ZNF385C: variants seen among roughly 807,000 people sequenced by gnomAD.
ZNF385C encodes CTD-2132N18.2.
Under a neutral mutation model 35.4 loss-of-function variants are expected in ZNF385C, and 28 were observed. The observed-to-expected ratio is 0.79, with a 90% confidence interval of 0.59 to 1.08. ZNF385C has a LOEUF of 1.08. Among genes scored for constraint, ZNF385C ranks in the 50% least tolerant of loss-of-function variants. ZNF385C has a pLI of 0.00. For missense variants in ZNF385C, 605 were observed against 595.6 expected (o/e 1.02, Z -0.16); for synonymous variants, 248 against 248.2 (o/e 1.00, Z 0.01).
rs1260758369 is a variant in ZNF385C, at chr17:42,098,431, C to T, written c.-24G>A. 3 of 152,012 alleles carry T rather than the reference C, an allele frequency of 2.0e-5. No homozygotes were observed. Among genetic ancestry groups the T allele is most frequent in the Non-Finnish European group, 2.9e-5 (2 of 68,046 alleles). 9.4% of individuals were successfully genotyped at this position (152,012 alleles called of 1,614,324 possible). A position where few individuals can be genotyped will look rare whatever the true frequency, so the allele number is the denominator to read the frequency against. ...TTACCTGCGGGGCAGAGACGGAGCCCGCCGCGGCCACCTGCTCTCGCCTGG... is the reference window on the plus strand; with the variant it reads ...TTACCTGCGGGGCAGAGACGGAGCCTGCCGCGGCCACCTGCTCTCGCCTGG... On this transcript the variant is annotated 5_prime_UTR_variant, in exon 1 of 9. Transcript: ENST00000692273.
chr17:42,045,943 A>T (rs1290328720), intron 2 of ZNF385C, among the ~76,000 whole-genome samples: 2 of 152,140 alleles, frequency 1.3e-5, no homozygotes, highest in Non-Finnish European at 2.9e-5. Flanking sequence ...TCAATCCTGA[A>T]GGCTTGCATT....
At chr17:42,033,876 G>T (rs1555655172) in intron 4 of ZNF385C, among the ~76,000 whole-genome samples, 1 of 152,158 alleles carries the variant, frequency 6.6e-6, no homozygotes, top group African/African-American at 2.4e-5. Flanking sequence ...TAAGAGCTCA[G>T]CTCCAGACCA....
intron 1 of ZNF385C, among the ~76,000 whole-genome samples, chr17:42,089,508 C>T (rs1377007368): frequency 6.6e-6 from 1 of 151,972 alleles, no homozygotes; most frequent in African/African-American, 2.4e-5. Flanking sequence ...TCCCACAGAT[C>T]AACTGAGATA....
At chr17:42,093,419 T>C (rs1157094957) in intron 1 of ZNF385C, among the ~76,000 whole-genome samples, 17 of 152,130 alleles carry the variant, frequency 1.1e-4, no homozygotes, top group Non-Finnish European at 2.2e-4. Flanking sequence ...TCTCCCAGAG[T>C]GATGACTCTG....
intron 4 of ZNF385C, among the ~76,000 whole-genome samples, chr17:42,033,285 T>C (rs782587582): frequency 6.6e-6 from 1 of 152,188 alleles, no homozygotes; most frequent in Non-Finnish European, 1.5e-5. Flanking sequence ...CTCCTCTACC[T>C]AGTGGTAAGA....
rs1376477361 is a variant in ZNF385C, at chr17:42,034,492, C to T, written c.400-157G>A. Among the ~76,000 whole-genome samples the T allele has an allele frequency of 2.6e-5, 4 of 152,020 alleles. No individual in the cohort carries two copies. The East Asian group carries it at 7.7e-4, about 29-fold the overall frequency. ...ATCCTGTGGATGTTGGAAAGAGAAA[C>T]AGCTGGGCCAGGCGCGGTGGCTCAC... is the stretch of plus-strand genomic sequence containing the variant. On this transcript the variant is annotated intron_variant, in intron 3 of 8. Coordinates refer to ENST00000692273, the MANE Select transcript of ZNF385C (RefSeq NM_001392013.1).
intron 2 of ZNF385C, chr17:42,061,867 A>G (rs1407785908): frequency 6.5e-6 from 1 of 152,976 alleles, no homozygotes; most frequent in Non-Finnish European, 1.5e-5. Flanking sequence ...CAAAAGACCC[A>G]CTCAATCTTG....
At position 42,050,293 on chromosome 17, in the gene ZNF385C, G is replaced by C. The variant is rs2053253820; in HGVS notation, c.251-12408C>G. 6.6e-6 allele frequency among the ~76,000 whole-genome samples: 1 copy of C among 152,208 alleles called. No individual in the cohort carries two copies. The highest frequency in any genetic ancestry group is 6.5e-5 in the Admixed American group (1 of 15,286). ...GCCCCTTGCTTTGGGACCCCACTAAGAGAAGTCCAGCACTCAGCAGACAGG... is the reference window on the plus strand; with the variant it reads ...GCCCCTTGCTTTGGGACCCCACTAACAGAAGTCCAGCACTCAGCAGACAGG... On this transcript the variant is annotated intron_variant, in intron 2 of 8. Coordinates refer to ENST00000692273, the MANE Select transcript of ZNF385C (RefSeq NM_001392013.1). The surrounding 1 kb of genome is among the most constrained non-coding windows in gnomAD (Gnocchi z 5.6).
chr17:42,069,785 G>A (rs536032766), intron 1 of ZNF385C, among the ~76,000 whole-genome samples: 1 of 152,354 alleles, frequency 6.6e-6, no homozygotes, highest in African/African-American at 2.4e-5. Context: ...GCTCTTGCCT[G>A]TAATCCCAGC....
At chr17:42,083,887 T>A (rs2143935561) in intron 1 of ZNF385C, among the ~76,000 whole-genome samples, 1 of 151,948 alleles carries the variant, frequency 6.6e-6, no homozygotes, top group South Asian at 2.1e-4. Flanking sequence ...CCAGGCTAAT[T>A]TTTATATTTT....
At chr17:42,094,451 G>GGAGTGT (rs2053896980) in intron 1 of ZNF385C, among the ~76,000 whole-genome samples, 1 of 151,904 alleles carries the variant, frequency 6.6e-6, no homozygotes, top group South Asian at 2.1e-4. Context: ...ACTGAGAGTG[G>GGAGTGT]GAGTGTGAGA....
chr17:42,059,952 C>T (rs2053437405), intron 2 of ZNF385C, among the ~76,000 whole-genome samples: 1 of 152,182 alleles, frequency 6.6e-6, no homozygotes. Context: ...CCTCTCCCCA[C>T]ACCTGCTCCC....
intron 2 of ZNF385C, among the ~76,000 whole-genome samples, chr17:42,044,616 C>CA (rs1200170680): frequency 1.4e-3 from 160 of 118,300 alleles, no homozygotes; most frequent in Middle Eastern, 9.4e-3. Flanking sequence ...AACTCTGTCT[C>CA]AAAAAAAAAA....
chr17:42,092,908 C>A (rs1268952404), intron 1 of ZNF385C, among the ~76,000 whole-genome samples: 2 of 134,562 alleles, frequency 1.5e-5, no homozygotes, highest in Admixed American at 7.6e-5. Context: ...GGAGAGACAT[C>A]TGGGAGCGGG....
At chr17:42,057,047 G>A (rs1228874858) in intron 2 of ZNF385C, among the ~76,000 whole-genome samples, 1 of 152,080 alleles carries the variant, frequency 6.6e-6, no homozygotes, top group Non-Finnish European at 1.5e-5. Context: ...GAGGGAGGAG[G>A]ACTGCTTGAG....
chr17:42,053,678 C>T (rs1555657321), intron 2 of ZNF385C, among the ~76,000 whole-genome samples: 1 of 152,136 alleles, frequency 6.6e-6, no homozygotes, highest in Non-Finnish European at 1.5e-5. Context: ...CCCAGCTCTG[C>T]ACCTGGGAAA....
intron 1 of ZNF385C, among the ~76,000 whole-genome samples, chr17:42,092,936 A>G (rs1247183405): frequency 1.4e-5 from 2 of 147,010 alleles, no homozygotes; most frequent in African/African-American, 5.1e-5. Flanking sequence ...GGTCCGGGGA[A>G]GGCTGGACAG....
At chr17:42,061,327 T>C (rs987139388) in intron 2 of ZNF385C, 1 of 148,912 alleles carries the variant, frequency 6.7e-6, no homozygotes, top group East Asian at 2.0e-4. Context: ...TTCAAGTGAT[T>C]CGTCTGCCTC....
chr17:42,081,299 G>A, intron 1 of ZNF385C, among the ~76,000 whole-genome samples: 1 of 152,172 alleles, frequency 6.6e-6, no homozygotes, highest in East Asian at 1.9e-4. Flanking sequence ...TGACCTGAGG[G>A]ATAGGCCTGC....
Sources: allele counts gnomAD v4.1 joint callset (sites outside exome capture counted in the v4.1 genomes callset), GRCh38; gene constraint gnomAD v4.1.1; non-coding constraint Gnocchi (gnomAD v3.1); transcripts MANE v1.5; gene names NCBI Gene and HGNC (gene_info 2026-07-23, HGNC 2026-07-21).